The following CLUAP1 variants were observed in gnomAD, a reference collection of about 807,000 sequenced individuals.
CLUAP1 encodes clusterin-associated protein 1.
In CLUAP1, 50 loss-of-function variants were observed where a neutral mutation model predicts 55.0. The ratio of observed to expected loss-of-function variants is 0.91; its 90% CI spans 0.72 to 1.15. The LOEUF (loss-of-function observed/expected upper bound fraction) is 1.15, where lower values mean the gene tolerates loss of function less well. CLUAP1 is among the 50% of genes most tolerant of loss of function. The pLI, the probability that CLUAP1 is intolerant of heterozygous loss-of-function variation, is 0.00. For synonymous variants in CLUAP1, 195 were observed against 175.4 expected (o/e 1.11, Z -0.88); for missense variants, 530 against 507.6 (o/e 1.04, Z -0.42).
At chr16:3,531,595 T>G (rs2038120854) in intron 10 of CLUAP1, among the ~76,000 whole-genome samples, 1 of 152,094 alleles carries the variant, frequency 6.6e-6, no homozygotes, top group Non-Finnish European at 1.5e-5. Context: ...AATTCTCTCC[T>G]GGGGTCTTCC....
chr16:3,495,546 G>A, the CLUAP1 span: 1 of 1,510,150 alleles, frequency 6.6e-7, no homozygotes. Context: ...TCACGGGGAA[G>A]ACTCCCAGCC....
chr16:3,496,412 A>G, upstream of CLUAP1: 1 of 1,009,706 alleles, frequency 9.9e-7, no homozygotes, highest in Non-Finnish European at 1.5e-6. Context: ...GATCCGGAAG[A>G]TGAAGCTTCC....
At chr16:3,520,265 G>C (rs1165627866) in intron 7 of CLUAP1, among the ~76,000 whole-genome samples, 1 of 151,880 alleles carries the variant, frequency 6.6e-6, no homozygotes, top group Non-Finnish European at 1.5e-5. Flanking sequence ...CCAGCTACTT[G>C]GGAGGCTGAG....
chr16:3,501,003 C>T (rs1046768016), upstream of CLUAP1: 7 of 1,529,194 alleles, frequency 4.6e-6, no homozygotes, highest in Non-Finnish European at 6.2e-6. Flanking sequence ...GATCGTCGAG[C>T]GCTGGGCCTG....
At chr16:3,531,988 G>A (rs1359300010) in intron 10 of CLUAP1, among the ~76,000 whole-genome samples, 1 of 151,964 alleles carries the variant, frequency 6.6e-6, no homozygotes, top group African/African-American at 2.4e-5. Flanking sequence ...ACAGGCCCGT[G>A]CCACCACACC....
intron 9 of CLUAP1, among the ~76,000 whole-genome samples, chr16:3,529,495 TTATATTATATATATTATATAATTA>T (rs1216369008): frequency 5.8e-5 from 4 of 69,130 alleles, no homozygotes; most frequent in Non-Finnish European, 1.0e-4. Flanking sequence ...TATAATTATA[TTATATTATATATATTATATAATTA>T]TATATTATTA....
intron 3 of CLUAP1, among the ~76,000 whole-genome samples, 164 bp downstream of exon 3, chr16:3,506,579 G>A (rs1289858311): frequency 6.6e-6 from 1 of 152,064 alleles, no homozygotes; most frequent in Non-Finnish European, 1.5e-5. Flanking sequence ...CACAATCTTG[G>A]CTCACTGCAA....
In CLUAP1 at chr16:3,537,226, A is replaced by T. The variant is rs1313286252; in HGVS notation, c.*955A>T. On this transcript the variant is annotated 3_prime_UTR_variant, in exon 12 of 12. Transcript: ENST00000576634. ...GTAGGGGAAGGAGCCAATTAAGAAA[A>T]AGTGTTGGTACAGATTCATGTTTCT... 6.6e-6 allele frequency: 1 copy of T among 152,230 alleles called. No individual in the cohort carries two copies. Among genetic ancestry groups the T allele is most frequent in the African/African-American group, 2.4e-5 (1 of 41,460 alleles). The allele number at this position is 152,230 out of a possible 1,614,324, so 9.4% of individuals were successfully genotyped here.
Position 3,537,099 on chromosome 16 carries a change from G to T in CLUAP1, c.*828G>T, listed in dbSNP as rs1018738414. 1 of 152,214 alleles carries T rather than the reference G, an allele frequency of 6.6e-6. No homozygotes were observed. Among genetic ancestry groups the T allele is most frequent in the African/African-American group, 2.4e-5 (1 of 41,428 alleles). The allele number at this position is 152,214 out of a possible 1,614,324, so 9.4% of individuals were successfully genotyped here. ...GACACTTTTCTTCCCTCCAGCCAGGGTTTCTCTAAAGGAGCTTTGTTTTGT... is the reference window on the plus strand; with the variant it reads ...GACACTTTTCTTCCCTCCAGCCAGGTTTTCTCTAAAGGAGCTTTGTTTTGT... On this transcript the variant is annotated 3_prime_UTR_variant, in exon 12 of 12. Coordinates refer to ENST00000576634, the MANE Select transcript of CLUAP1 (RefSeq NM_015041.3).
At chr16:3,533,338 G>A (rs1306122388) in intron 11 of CLUAP1, 3 of 589,136 alleles carry the variant, frequency 5.1e-6, no homozygotes, top group African/African-American at 1.9e-5. Context: ...CGCAGGCACG[G>A]AGCCTGGAGG....
intron 1 of CLUAP1, among the ~76,000 whole-genome samples, chr16:3,501,839 A>G (rs1223799405): frequency 6.6e-6 from 1 of 152,042 alleles, no homozygotes; most frequent in African/African-American, 2.4e-5. Context: ...CTGGGTGATA[A>G]TCATTGCGGC....
Position 3,508,331 on chromosome 16 carries a change from C to G in CLUAP1, c.262C>G (p.Gln88Glu). 1 of 1,605,854 alleles carries G rather than the reference C, an allele frequency of 6.2e-7. No homozygotes were observed. The highest frequency in any genetic ancestry group is 8.5e-7 in the Non-Finnish European group (1 of 1,177,820). Residue 88 changes from glutamine (Q) to glutamate (E), a missense_variant, in exon 4 of 12, where the codon CAA becomes GAA. Coordinates refer to ENST00000576634, the MANE Select transcript of CLUAP1 (RefSeq NM_015041.3). ...HIKLNTKKLYQADGYAVKELL... is the reference protein window; with the variant it reads ...HIKLNTKKLYEADGYAVKELL... ...AAAACTCAACACTAAGAAGCTTTAT[C>G]AAGCAGATGGGTATGCGGTAAAAGA...
At chr16:3,528,641 G>A (rs2037995179) in intron 9 of CLUAP1, among the ~76,000 whole-genome samples, 1 of 152,136 alleles carries the variant, frequency 6.6e-6, no homozygotes, top group Admixed American at 6.6e-5. Context: ...GGGCCAGGAT[G>A]CTAAGACCTG....
chr16:3,510,583 GGCAGAGCTT>G (rs1271815197), intron 4 of CLUAP1, among the ~76,000 whole-genome samples: 1 of 152,190 alleles, frequency 6.6e-6, no homozygotes, highest in African/African-American at 2.4e-5. Flanking sequence ...GCAGCCGTGC[GGCAGAGCTT>G]GCAGAGCTCA....
intron 3 of CLUAP1, among the ~76,000 whole-genome samples, chr16:3,507,557 C>G (rs1294414912): frequency 7.1e-6 from 1 of 141,536 alleles, no homozygotes; most frequent in African/African-American, 2.8e-5. Context: ...GAGACCCTAT[C>G]TCAAAAAAAA....
At chr16:3,534,620 T>A (rs1004372296) in intron 11 of CLUAP1, 1 of 152,354 alleles carries the variant, frequency 6.6e-6, no homozygotes, top group Non-Finnish European at 1.5e-5. Context: ...AGCAGAGGTG[T>A]TGAGAAATGG....
intron 9 of CLUAP1, among the ~76,000 whole-genome samples, chr16:3,526,792 G>T (rs930159880): frequency 3.9e-5 from 6 of 152,088 alleles, no homozygotes; most frequent in Non-Finnish European, 7.4e-5. Flanking sequence ...TTTCGTTCTT[G>T]TGCCAGTTAA....
rs538410040 is a variant in CLUAP1 at position 3,520,000 on chromosome 16, G to C, written c.677G>C (p.Arg226Thr). 2.5e-6 allele frequency: 4 copies of C among 1,613,544 alleles called. No individual in the cohort carries two copies. Among genetic ancestry groups the C allele is most frequent in the Admixed American group, 1.7e-5 (1 of 59,918 alleles). ...KIEKRKLELE[R>T]NRKRLETLQS... ...GAAAAGAGAAAATTAGAACTGGAAA[G>C]AAATCGGAAGCGACTAGAGACTCTG... is the stretch of plus-strand genomic sequence containing the variant. Residue 226 changes from arginine to threonine, a missense_variant, in exon 7 of 12, where the codon AGA (arginine) becomes ACA (threonine). Coordinates refer to ENST00000576634, the MANE Select transcript of CLUAP1 (RefSeq NM_015041.3).
chr16:3,531,804 G>T (rs2038125030), intron 10 of CLUAP1, among the ~76,000 whole-genome samples: 1 of 151,452 alleles, frequency 6.6e-6, no homozygotes, highest in Non-Finnish European at 1.5e-5. Flanking sequence ...AAGTACAATT[G>T]GAACTCTTCC....
Sources: allele counts gnomAD v4.1 joint callset (sites outside exome capture counted in the v4.1 genomes callset), GRCh38; gene constraint gnomAD v4.1.1; transcripts MANE v1.5; gene names NCBI Gene and HGNC (gene_info 2026-07-23, HGNC 2026-07-21).